The following DLGAP2 variants were observed in gnomAD, a reference collection of about 807,000 sequenced individuals.
DLGAP2 encodes disks large-associated protein 2.
In DLGAP2, 26 loss-of-function variants were observed where a neutral mutation model predicts 100.3. The ratio of observed to expected loss-of-function variants is 0.26; its 90% CI spans 0.19 to 0.36. The LOEUF is 0.36. Ranked by LOEUF, DLGAP2 falls within the 10% of genes least tolerant of loss-of-function variation. The probability of loss-of-function intolerance (pLI) is 1.00; values close to 1 mark genes in which losing one functional copy is unlikely to be tolerated. For missense variants in DLGAP2, 1,858 were observed against 1,453.2 expected, an observed-to-expected ratio of 1.28 and a Z score of -4.53; for synonymous variants, 886 against 630.1, an observed-to-expected ratio of 1.41 and a Z score of -6.08.
At chr8:1,128,244 C>A (rs1796213640) in intron 2 of DLGAP2, among the ~76,000 whole-genome samples, 1 of 151,722 alleles carries the variant, frequency 6.6e-6, no homozygotes, top group Non-Finnish European at 1.5e-5. Flanking sequence ...AGGACCTGCT[C>A]CCGGTGTTGT....
At chr8:1,627,382 G>A (rs1797532297) in intron 7 of DLGAP2, among the ~76,000 whole-genome samples, 1 of 152,184 alleles carries the variant, frequency 6.6e-6, no homozygotes, top group Admixed American at 6.5e-5. Context: ...CCAGGAGAAG[G>A]GTCCCTGGGC....
At chr8:1,611,068 C>T (rs1229814926) in intron 6 of DLGAP2, among the ~76,000 whole-genome samples, 13 of 140,042 alleles carry the variant, frequency 9.3e-5, no homozygotes, top group Non-Finnish European at 1.5e-4. Context: ...ATACCAAAGC[C>T]GGGCAGAGAC....
intron 3 of DLGAP2, among the ~76,000 whole-genome samples, chr8:1,261,605 C>T (rs577633611): frequency 1.3e-5 from 2 of 152,244 alleles, no homozygotes; most frequent in South Asian, 4.1e-4. Context: ...CCTGCTCTGG[C>T]CTGCCCCTCC....
intron 2 of DLGAP2, among the ~76,000 whole-genome samples, chr8:1,067,845 T>A (rs1407101744): frequency 2.6e-5 from 4 of 151,990 alleles, no homozygotes; most frequent in Non-Finnish European, 5.9e-5. Flanking sequence ...GGCTCACTCT[T>A]GGCATTGTCA....
In DLGAP2 at chr8:1,323,954, A is replaced by G. The variant is rs1243051126; in HGVS notation, c.106+65071A>G. On this transcript the variant is annotated intron_variant, in intron 3 of 14. Transcript: ENST00000637795. Reference sequence around the variant, plus strand: ...TCGGAAAGCCCAGCTGTTATTTAATAGGATTAATGTGGCGCGTTTCGACAC... The same window carrying G: ...TCGGAAAGCCCAGCTGTTATTTAATGGGATTAATGTGGCGCGTTTCGACAC... Among the ~76,000 whole-genome samples the G allele has an allele frequency of 2.0e-5, 3 of 152,236 alleles. 1 individual carries two copies. The highest frequency in any genetic ancestry group is 1.9e-4 in the East Asian group (1 of 5,196).
At chr8:1,305,538 G>A (rs1460977381) in intron 3 of DLGAP2, among the ~76,000 whole-genome samples, 1 of 152,172 alleles carries the variant, frequency 6.6e-6, no homozygotes, top group African/African-American at 2.4e-5. Context: ...GACGAATGCA[G>A]GGTGCTCATC....
At chr8:797,716 T>C (rs1796063976) in intron 1 of DLGAP2, among the ~76,000 whole-genome samples, 1 of 152,156 alleles carries the variant, frequency 6.6e-6, no homozygotes, top group Admixed American at 6.6e-5. Flanking sequence ...CATCAGCACT[T>C]GCTGGTGTCA....
intron 2 of DLGAP2, among the ~76,000 whole-genome samples, chr8:1,015,101 GCCTCCACT>G (rs1387072516): frequency 1.1e-3 from 27 of 25,220 alleles, no homozygotes; most frequent in South Asian, 2.1e-3. Context: ...CAGGACAGAC[GCCTCCACT>G]GTGTGAGACC....
At chr8:1,106,581 A>G (rs1161738384) in intron 2 of DLGAP2, among the ~76,000 whole-genome samples, 3 of 150,376 alleles carry the variant, frequency 2.0e-5, no homozygotes, top group Non-Finnish European at 4.5e-5. Context: ...GGGCCATTCT[A>G]GGAGGGTTTT....
chr8:1,470,364 C>A (rs936473697), intron 3 of DLGAP2, among the ~76,000 whole-genome samples: 3 of 152,178 alleles, frequency 2.0e-5, no homozygotes, highest in African/African-American at 7.2e-5. Flanking sequence ...TGGTTCCTTA[C>A]AACCTGAGTC....
chr8:1,313,507 C>G (rs1429089240), intron 3 of DLGAP2, among the ~76,000 whole-genome samples: 1 of 152,042 alleles, frequency 6.6e-6, no homozygotes, highest in Non-Finnish European at 1.5e-5. Flanking sequence ...TTTGATAAAC[C>G]TTTGAAGAAA....
chr8:1,617,817 T>TAA (rs201086816), intron 6 of DLGAP2, among the ~76,000 whole-genome samples: 2 of 152,214 alleles, frequency 1.3e-5, no homozygotes, highest in African/African-American at 4.8e-5. Flanking sequence ...AGCTCAATGT[T>TAA]AAAAATATTT....
chr8:1,136,979 C>T (rs1796428074), intron 2 of DLGAP2, among the ~76,000 whole-genome samples: 1 of 152,222 alleles, frequency 6.6e-6, no homozygotes, highest in Non-Finnish European at 1.5e-5. Flanking sequence ...TCCTGCCTCT[C>T]AAGATGGTGC....
intron 3 of DLGAP2, among the ~76,000 whole-genome samples, chr8:1,303,687 GC>G (rs1800421042): frequency 6.6e-6 from 1 of 152,106 alleles, no homozygotes; most frequent in African/African-American, 2.4e-5. Context: ...AAGCCCTAAG[GC>G]CCAGGGTCTC....
intron 2 of DLGAP2, among the ~76,000 whole-genome samples, chr8:1,194,949 G>A (rs990461627): frequency 2.0e-5 from 3 of 152,216 alleles, no homozygotes; most frequent in Admixed American, 6.5e-5. Flanking sequence ...CGGACAGTCA[G>A]GGCTGTCCCA....
rs151082338 is a variant in DLGAP2, at chr8:1,132,924, T to A, written c.74-125927T>A. ...AAATTTGGGGGTCAACAGAAAAATG[T>A]TAACTCGCTAGAAAGACTTACTTTC... On this transcript the variant is annotated intron_variant, in intron 2 of 14. Transcript: ENST00000637795. 2.6e-4 allele frequency among the ~76,000 whole-genome samples: 40 copies of A among 152,300 alleles called. 1 individual carries two copies. The highest frequency in any genetic ancestry group is 9.4e-4 in the African/African-American group (39 of 41,574).
At chr8:1,604,431 C>T (rs1796727917) in intron 6 of DLGAP2, 1 of 152,150 alleles carries the variant, frequency 6.6e-6, no homozygotes, top group Non-Finnish European at 1.5e-5. Flanking sequence ...CCATAGACCA[C>T]CAGGAATGGA....
intron 2 of DLGAP2, among the ~76,000 whole-genome samples, chr8:980,007 G>C (rs1422311457): frequency 6.6e-6 from 1 of 152,152 alleles, no homozygotes; most frequent in South Asian, 2.1e-4. Context: ...CAACCTCTAG[G>C]ACTTGGCAAC....
chr8:1,536,124 G>A (rs9918757), intron 4 of DLGAP2, among the ~76,000 whole-genome samples: 19,969 of 152,150 alleles, frequency 0.13, 1,833 homozygotes, highest in African/African-American at 0.26. Flanking sequence ...GGGCAGGTGG[G>A]GGCACCCTGA....
Sources: gnomAD v4.1 joint callset for allele counts (sites outside exome capture counted in the v4.1 genomes callset) on GRCh38, gnomAD v4.1.1 for gene constraint, MANE v1.5 for transcripts, NCBI Gene and HGNC (gene_info 2026-07-23, HGNC 2026-07-21) for gene names.